The following RBFOX3 variants were observed in gnomAD, a reference collection of about 807,000 sequenced individuals.
The protein encoded by RBFOX3 is RNA binding fox-1 homolog 3.
In RBFOX3, 17 loss-of-function variants were observed where a neutral mutation model predicts 48.7. The ratio of observed to expected loss-of-function variants is 0.35; its 90% CI spans 0.24 to 0.52. RBFOX3 has a LOEUF of 0.52. Among genes scored for constraint, RBFOX3 ranks in the 20% least tolerant of loss-of-function variants. The probability of loss-of-function intolerance (pLI) is 0.94; values close to 1 mark genes in which losing one functional copy is unlikely to be tolerated. For missense variants in RBFOX3, 382 were observed against 497.5 expected (o/e 0.77, Z 2.21); for synonymous variants, 212 against 209.5 (o/e 1.01, Z -0.10).
intron 2 of RBFOX3, among the ~76,000 whole-genome samples, chr17:79,366,709 C>T (rs2057805266): frequency 6.6e-6 from 1 of 152,190 alleles, no homozygotes; most frequent in Admixed American, 6.5e-5. Context: ...CCAGCAGAGG[C>T]AATGTTTGAG....
intron 4 of RBFOX3, among the ~76,000 whole-genome samples, chr17:79,209,766 G>C (rs1367644144): frequency 6.6e-6 from 1 of 152,128 alleles, no homozygotes; most frequent in Non-Finnish European, 1.5e-5. Context: ...GGCGGAGGCG[G>C]GTGGATCACG....
At chr17:79,378,410 C>T (rs1282853713) in intron 2 of RBFOX3, among the ~76,000 whole-genome samples, 1 of 152,234 alleles carries the variant, frequency 6.6e-6, no homozygotes, top group Non-Finnish European at 1.5e-5. Flanking sequence ...CAGACCATAA[C>T]TTCCATCCCA....
chr17:79,495,541 G>A (rs1460263547), intron 1 of RBFOX3, among the ~76,000 whole-genome samples: 23 of 13,746 alleles, frequency 1.7e-3, no homozygotes, highest in East Asian at 4.4e-3. Context: ...AGAGGGTGGG[G>A]AGGTGGGGGC....
At chr17:79,493,637 T>C (rs2081022110) in intron 1 of RBFOX3, among the ~76,000 whole-genome samples, 1 of 152,226 alleles carries the variant, frequency 6.6e-6, no homozygotes, top group African/African-American at 2.4e-5. Context: ...TGGCATTTGT[T>C]GCAAGTTGTA....
At chr17:79,626,736 C>T in the RBFOX3 span, among the ~76,000 whole-genome samples, 6 of 152,194 alleles carry the variant, frequency 3.9e-5, no homozygotes, top group Admixed American at 2.6e-4. Flanking sequence ...GTTTGCAATG[C>T]GGTGAATTGT....
intron 2 of RBFOX3, among the ~76,000 whole-genome samples, chr17:79,353,256 T>C (rs2084306140): frequency 6.6e-6 from 1 of 152,164 alleles, no homozygotes; most frequent in Non-Finnish European, 1.5e-5. Context: ...TGAAGTCTCC[T>C]TCATCCCAGG....
At chr17:79,605,485 A>G (rs1401292818) in intron 1 of RBFOX3, among the ~76,000 whole-genome samples, 3 of 151,986 alleles carry the variant, frequency 2.0e-5, no homozygotes, top group Non-Finnish European at 2.9e-5. Context: ...CTCCCCAAAT[A>G]TGGAGCAGCC....
intron 11 of RBFOX3, 130 bp from the exon 12 acceptor site, chr17:79,096,963 A>C: frequency 1.7e-6 from 1 of 598,250 alleles, no homozygotes; most frequent in Non-Finnish European, 3.0e-6. Context: ...AGGGCACCAG[A>C]CCCCAGGGAA....
chr17:79,651,170 C>T, the RBFOX3 span, among the ~76,000 whole-genome samples: 13,080 of 152,254 alleles, frequency 0.086, 668 homozygotes, highest in African/African-American at 0.13. Context: ...CCAGGGTCCA[C>T]GTGCCCACTT....
At chr17:79,328,357 G>T (rs2079658525) in intron 2 of RBFOX3, among the ~76,000 whole-genome samples, 1 of 152,218 alleles carries the variant, frequency 6.6e-6, no homozygotes, top group Non-Finnish European at 1.5e-5. Context: ...GTCCATTGTG[G>T]CAGGGCTATC....
chr17:79,281,231 A>G (rs890192201), intron 3 of RBFOX3, among the ~76,000 whole-genome samples: 1 of 152,262 alleles, frequency 6.6e-6, no homozygotes, highest in African/African-American at 2.4e-5. Context: ...GGGACTACCC[A>G]GGTGCCTTGG....
At chr17:79,514,032 C>T (rs1427031605) in intron 1 of RBFOX3, among the ~76,000 whole-genome samples, 4 of 152,204 alleles carry the variant, frequency 2.6e-5, no homozygotes, top group African/African-American at 7.2e-5. Context: ...GGGGCAGGCA[C>T]GTGACCTCAG....
rs141328342 is a variant in RBFOX3, at chr17:79,362,257, G to T, written c.-174-54433C>A. 7.7e-4 allele frequency among the ~76,000 whole-genome samples: 117 copies of T among 152,352 alleles called. 1 individual carries two copies. The East Asian group carries it at 0.022, about 28-fold the overall frequency. ...TTCCCAGGTTCTCAGATATTTTCCT[G>T]CCTTTGGGAAAATGCATCTGTCTCC... On this transcript the variant is annotated intron_variant, in intron 2 of 14. Transcript: ENST00000693108. The surrounding 1 kb of genome is among the most constrained non-coding windows in gnomAD (Gnocchi z 4.2).
At chr17:79,330,872 G>C (rs926413110) in intron 2 of RBFOX3, among the ~76,000 whole-genome samples, 1 of 152,176 alleles carries the variant, frequency 6.6e-6, no homozygotes, top group African/African-American at 2.4e-5. Flanking sequence ...CCCAGCTTCT[G>C]GTCTCAGGGC....
rs979793409 is a variant in RBFOX3, at chr17:79,101,764, C to T, written c.508-120G>A. 3.5e-6 allele frequency: 3 copies of T among 862,316 alleles called. No homozygotes were observed. The African/African-American group carries it at 5.0e-5, about 14-fold the overall frequency. The allele number at this position is 862,316 out of a possible 1,614,324, so 53.4% of individuals were successfully genotyped here. On this transcript the variant is annotated intron_variant, in intron 8 of 14. Transcript: ENST00000693108. ...GGCACCCCCCGCCCCAGCCTCCTCT[C>T]TCCACCATGCTGCCTGCCCTCCGGG...
chr17:79,511,361 T>C (rs1449208052), intron 1 of RBFOX3, among the ~76,000 whole-genome samples: 1 of 152,172 alleles, frequency 6.6e-6, no homozygotes, highest in Non-Finnish European at 1.5e-5. Context: ...GTGCCTAATA[T>C]GTGTCGGGGC....
At chr17:79,265,618 A>G (rs2143193380) in intron 3 of RBFOX3, among the ~76,000 whole-genome samples, 1 of 152,328 alleles carries the variant, frequency 6.6e-6, no homozygotes, top group African/African-American at 2.4e-5. Context: ...TGTAATTTCC[A>G]GGGTCTCCCA....
At chr17:79,378,416 T>A (rs2059481466) in intron 2 of RBFOX3, among the ~76,000 whole-genome samples, 1 of 152,074 alleles carries the variant, frequency 6.6e-6, no homozygotes, top group Admixed American at 6.6e-5. Context: ...ATAACTTCCA[T>A]CCCAAGAACA....
the RBFOX3 span, among the ~76,000 whole-genome samples, chr17:79,643,967 G>C: frequency 6.6e-6 from 1 of 151,950 alleles, no homozygotes; most frequent in Non-Finnish European, 1.5e-5. Flanking sequence ...AATTAACAGA[G>C]CTAAAAGATG....
Sources: gnomAD v4.1 joint callset for allele counts (sites outside exome capture counted in the v4.1 genomes callset) on GRCh38, gnomAD v4.1.1 for gene constraint, Gnocchi (gnomAD v3.1) non-coding constraint, MANE v1.5 for transcripts, NCBI Gene and HGNC (gene_info 2026-07-23, HGNC 2026-07-21) for gene names.